The following MPHOSPH9 variants were observed in gnomAD, a reference collection of about 807,000 sequenced individuals.
The protein encoded by MPHOSPH9 is M-phase phosphoprotein 9.
Under a neutral mutation model 145.5 loss-of-function variants are expected in MPHOSPH9, and 88 were observed. The observed-to-expected ratio is 0.60, with a 90% CI of 0.51 to 0.72. The LOEUF (loss-of-function observed/expected upper bound fraction) is 0.72, where lower values mean the gene tolerates loss of function less well. Among genes scored for constraint, MPHOSPH9 ranks in the 30% least tolerant of loss-of-function variants. The pLI is 0.00. For synonymous variants in MPHOSPH9, 435 were observed against 486.2 expected, an observed-to-expected ratio of 0.89 and a Z score of 1.39; for missense variants, 1,238 against 1,386.6, an observed-to-expected ratio of 0.89 and a Z score of 1.70.
At chr12:123,225,037 C>T (rs557790967) in intron 3 of MPHOSPH9, among the ~76,000 whole-genome samples, 8 of 152,040 alleles carry the variant, frequency 5.3e-5, no homozygotes, top group Non-Finnish European at 1.2e-4. Flanking sequence ...TCCTTTATGT[C>T]ACATTTAGGA....
At chr12:123,162,411 C>T in intron 20 of MPHOSPH9, 193 bp from the exon 21 acceptor site, 1 of 366,530 alleles carries the variant, frequency 2.7e-6, no homozygotes, top group Non-Finnish European at 4.9e-6. Context: ...AAACTAAAGA[C>T]TTAAAACACT....
intron 7 of MPHOSPH9, among the ~76,000 whole-genome samples, chr12:123,211,001 T>C (rs2046685171): frequency 6.8e-6 from 1 of 146,642 alleles, no homozygotes; most frequent in Admixed American, 6.8e-5. Context: ...TTTTTTTTTT[T>C]TGAGACAGAG....
rs1161760123 is a variant in MPHOSPH9 at position 123,166,807 on chromosome 12, G to A, written c.2457-18C>T. 1.2e-6 allele frequency: 2 copies of A among 1,608,476 alleles called. No homozygotes were observed. The highest frequency in any genetic ancestry group is 1.7e-5 in the Admixed American group (1 of 57,692). On this transcript the variant is annotated intron_variant, in intron 16 of 23. Transcript: ENST00000606320. ...CTAGTGTGCTATTAGAATGAAAACG[G>A]TCAGGCATTATAAAGGTCTGCACTT...
At chr12:123,233,915 C>T (rs563162551), upstream of MPHOSPH9, 3 of 152,174 alleles carry the variant, frequency 2.0e-5, no homozygotes, top group Non-Finnish European at 4.4e-5. Context: ...AGGCCTGGCA[C>T]GTAGTAGAGG....
intron 16 of MPHOSPH9, 93 bp downstream of exon 16, chr12:123,176,595 G>T (rs143644962): frequency 1.1e-6 from 1 of 920,802 alleles, no homozygotes; most frequent in African/African-American, 1.7e-5. Context: ...CATTTAACCC[G>T]GACTTTCTTA....
At chr12:123,236,264 TTTTC>T (rs967137692), upstream of MPHOSPH9, among the ~76,000 whole-genome samples, 3 of 152,168 alleles carry the variant, frequency 2.0e-5, no homozygotes, top group East Asian at 1.9e-4. Flanking sequence ...GCATCTCTTA[TTTTC>T]TTTATTTGTA....
Position 123,214,749 on chromosome 12 carries a change from C to A in MPHOSPH9, c.1082G>T (p.Gly361Val). The A allele has an allele frequency of 1.2e-6, 2 of 1,608,682 alleles. No individual in the cohort carries two copies. The highest frequency in any genetic ancestry group is 1.1e-5 in the South Asian group (1 of 90,924). Residue 361 changes from glycine (G) to valine (V), a missense_variant, in exon 7 of 24, where the codon GGA becomes GTA. Gly to Val is a moderately radical substitution (Grantham distance 109, BLOSUM62 -3). Coordinates refer to ENST00000606320, the MANE Select transcript of MPHOSPH9 (RefSeq NM_022782.4). ...TAAAAATGTAAGTATCATACCTGTT[C>A]CTGAATCAGACATCCAAGCATTTGG... The part of the protein sequence containing the change: ...ETPNAWMSDS[G>V]TGLTYWKLEE...
At chr12:123,198,809 C>CAAAAAAAAAAAAAAA in intron 11 of MPHOSPH9, among the ~76,000 whole-genome samples, 1 of 48,532 alleles carries the variant, frequency 2.1e-5, no homozygotes, top group Non-Finnish European at 3.1e-5. Context: ...GAACCTGTCT[C>CAAAAAAAAAAAAAAA]AAAAAAAAAA....
At position 123,194,424 on chromosome 12, in the gene MPHOSPH9, CTTT is replaced by C. The variant is rs781182568; in HGVS notation, c.2200_2202del (p.Lys734del). The C allele has an allele frequency of 1.3e-4, 203 of 1,604,542 alleles. No homozygotes were observed. The highest frequency in any genetic ancestry group is 1.7e-4 in the Non-Finnish European group (199 of 1,176,624). ...TTGTTCTCTTGTTTTAGTTGAGCTT[CTTT>C]ATCATCTGAGAGTTTGTAAGCATTC... On this transcript the variant is annotated inframe_deletion, in exon 13 of 24. Coordinates refer to ENST00000606320, the MANE Select transcript of MPHOSPH9 (RefSeq NM_022782.4).
intron 4 of MPHOSPH9, among the ~76,000 whole-genome samples, chr12:123,222,324 CA>C (rs57019975): frequency 0.54 from 67,783 of 125,946 alleles, 16,655 homozygotes; most frequent in East Asian, 0.82. Context: ...GACCTTGTCT[CA>C]AAAAAAAAAA....
At chr12:123,242,556 C>G (rs1426130918) in intron 1 of MPHOSPH9, among the ~76,000 whole-genome samples, 1 of 152,052 alleles carries the variant, frequency 6.6e-6, no homozygotes. Context: ...GGCCAAAGCT[C>G]CAGGAGATAC....
At chr12:123,158,728 T>C (rs2043974126) in intron 23 of MPHOSPH9, among the ~76,000 whole-genome samples, 2 of 151,022 alleles carry the variant, frequency 1.3e-5, no homozygotes, top group African/African-American at 2.4e-5. Context: ...AACTCTTGGG[T>C]TCAAGTGAAC....
At chr12:123,165,498 C>T (rs770675785) in intron 17 of MPHOSPH9, 21 bp from the exon 18 acceptor site, 3 of 1,606,128 alleles carry the variant, frequency 1.9e-6, no homozygotes, top group Non-Finnish European at 2.6e-6. Flanking sequence ...AATTTTAAGA[C>T]ATACAGTGCT....
At chr12:123,163,885 C>A in intron 19 of MPHOSPH9, 65 bp downstream of exon 19, 1 of 1,593,776 alleles carries the variant, frequency 6.3e-7, no homozygotes. Context: ...AAGCAGCGGG[C>A]ACAAATAGAT....
intron 6 of MPHOSPH9, among the ~76,000 whole-genome samples, chr12:123,216,546 T>C (rs1175235809): frequency 6.6e-6 from 1 of 152,136 alleles, no homozygotes; most frequent in Admixed American, 6.6e-5. Flanking sequence ...ATAAGGGCTA[T>C]ACAGGCATAT....
intron 13 of MPHOSPH9, among the ~76,000 whole-genome samples, chr12:123,183,296 T>C (rs1390313247): frequency 1.5e-4 from 22 of 145,714 alleles, no homozygotes; most frequent in East Asian, 8.4e-4. Context: ...ACCTGTAATC[T>C]CAGCACTTTG....
intron 16 of MPHOSPH9, among the ~76,000 whole-genome samples, chr12:123,176,054 A>G (rs1354590519): frequency 6.6e-6 from 1 of 152,106 alleles, no homozygotes; most frequent in Admixed American, 6.5e-5. Context: ...TCCTCATTTG[A>G]CAATTACAAC....
intron 15 of MPHOSPH9, among the ~76,000 whole-genome samples, chr12:123,177,489 T>C (rs1367186763): frequency 1.3e-5 from 2 of 152,026 alleles, no homozygotes; most frequent in Non-Finnish European, 2.9e-5. Flanking sequence ...TGAGCCGTTA[T>C]CACACCACTT....
intron 13 of MPHOSPH9, among the ~76,000 whole-genome samples, chr12:123,181,709 G>A (rs2045156575): frequency 6.6e-6 from 1 of 151,816 alleles, no homozygotes; most frequent in East Asian, 1.9e-4. Flanking sequence ...CTAACCTGGG[G>A]GACAAAGAGA....
Sources: gnomAD v4.1 joint callset for allele counts (sites outside exome capture counted in the v4.1 genomes callset) on GRCh38, gnomAD v4.1.1 for gene constraint, MANE v1.5 for transcripts, NCBI Gene and HGNC (gene_info 2026-07-23, HGNC 2026-07-21) for gene names.